The following KCNIP4 variants were observed in gnomAD, a reference collection of about 807,000 sequenced individuals.
KCNIP4 encodes the protein Kv channel-interacting protein 4.
KCNIP4 carries 12 observed loss-of-function variants against 34.0 expected under a neutral mutation model. That is an observed-to-expected ratio of 0.35 (90% CI 0.23 to 0.57). The LOEUF is 0.57. Ranked by LOEUF, KCNIP4 falls within the 20% of genes least tolerant of loss-of-function variation. The pLI is 0.83. For missense variants in KCNIP4, 238 were observed against 311.7 expected, an observed-to-expected ratio of 0.76 and a Z score of 1.78; for synonymous variants, 124 against 102.2, an observed-to-expected ratio of 1.21 and a Z score of -1.29.
intron 3 of KCNIP4, among the ~76,000 whole-genome samples, chr4:20,828,879 C>T (rs1397713896): frequency 6.6e-6 from 1 of 152,096 alleles, no homozygotes; most frequent in Non-Finnish European, 1.5e-5. Flanking sequence ...AGAGATAGGA[C>T]AAACACATTT....
chr4:20,875,258 A>G (rs1399889050), intron 2 of KCNIP4, among the ~76,000 whole-genome samples: 1 of 152,198 alleles, frequency 6.6e-6, no homozygotes, highest in Non-Finnish European at 1.5e-5. Flanking sequence ...GAATTGGTAA[A>G]GTACAGAGAC....
chr4:21,358,895 C>T (rs1336574658), intron 1 of KCNIP4, among the ~76,000 whole-genome samples: 1 of 152,052 alleles, frequency 6.6e-6, no homozygotes, highest in South Asian at 2.1e-4. Flanking sequence ...ACCTTTGCTT[C>T]GAGTTATCCT....
chr4:20,835,641 T>C (rs1003828871), intron 3 of KCNIP4, among the ~76,000 whole-genome samples: 1 of 152,116 alleles, frequency 6.6e-6, no homozygotes, highest in African/African-American at 2.4e-5. Flanking sequence ...CCCTTAAATA[T>C]GTATTTTCAG....
At chr4:20,891,072 T>G (rs1725867723) in intron 1 of KCNIP4, among the ~76,000 whole-genome samples, 1 of 152,218 alleles carries the variant, frequency 6.6e-6, no homozygotes, top group African/African-American at 2.4e-5. Flanking sequence ...TAATGAGAAC[T>G]ATTCTTATCT....
intron 1 of KCNIP4, among the ~76,000 whole-genome samples, chr4:21,332,689 T>A (rs1176362129): frequency 6.6e-6 from 1 of 151,922 alleles, no homozygotes; most frequent in Non-Finnish European, 1.5e-5. Context: ...CTCCATTTCC[T>A]GTAATGTATT....
At chr4:20,926,318 G>A (rs908898981) in intron 1 of KCNIP4, among the ~76,000 whole-genome samples, 6 of 152,222 alleles carry the variant, frequency 3.9e-5, no homozygotes, top group African/African-American at 1.2e-4. Context: ...TGACAGGTGA[G>A]AGGTGCAGGA....
rs537856921 is a variant in KCNIP4 at position 21,697,316 on chromosome 4, T to TAAAAA, written c.61+251250_61+251254dup. 173 of 1,226,984 alleles carry TAAAAA rather than the reference T, an allele frequency of 1.4e-4. No homozygotes were observed. The African/African-American group carries it at 2.5e-3, about 18-fold the overall frequency. The allele number at this position is 1,226,984 out of a possible 1,614,324, so 76.0% of individuals were successfully genotyped here. A position where few individuals can be genotyped will look rare whatever the true frequency, so the allele number is the denominator to read the frequency against. On this transcript the variant is annotated intron_variant, in intron 1 of 8. Coordinates refer to ENST00000382152, the MANE Select transcript of KCNIP4 (RefSeq NM_025221.6). Reference sequence around the variant, plus strand: ...ATTACCATGCTCTACTAGCCTCTACTAAAAAAAAAAAAAAAAAAAAAAAAA... The same window carrying TAAAAA: ...ATTACCATGCTCTACTAGCCTCTACTAAAAAAAAAAAAAAAAAAAAAAAAAAAAAA...
intron 1 of KCNIP4, among the ~76,000 whole-genome samples, chr4:20,899,627 T>C (rs941570223): frequency 2.0e-5 from 3 of 152,218 alleles, no homozygotes; most frequent in Admixed American, 1.3e-4. Flanking sequence ...AATCAAGTCT[T>C]ACACTATTTG....
rs1000299913 is a variant in KCNIP4 at position 21,839,890 on chromosome 4, T to G, written c.61+108681A>C. On this transcript the variant is annotated intron_variant, in intron 1 of 8. Transcript: ENST00000382152. ...GACAAAATGCTGGTGTGTGGGTTATTATGCAAGTAAGATGCCTTGGATCTC... is the reference window on the plus strand; with the variant it reads ...GACAAAATGCTGGTGTGTGGGTTATGATGCAAGTAAGATGCCTTGGATCTC... Among the ~76,000 whole-genome samples the G allele has an allele frequency of 2.0e-5, 3 of 152,262 alleles. No homozygotes were observed. The South Asian group carries it at 6.2e-4, about 32-fold the overall frequency.
chr4:21,618,228 TA>T (rs1744734720), intron 1 of KCNIP4, among the ~76,000 whole-genome samples: 1 of 152,168 alleles, frequency 6.6e-6, no homozygotes, highest in Non-Finnish European at 1.5e-5. Context: ...AAATTCAGTA[TA>T]ATGCTAGCAA....
At chr4:20,996,738 G>A (rs7689543) in intron 1 of KCNIP4, among the ~76,000 whole-genome samples, 67,897 of 151,692 alleles carry the variant, frequency 0.45, 15,771 homozygotes, top group African/African-American at 0.56. Context: ...AATTTTCTCC[G>A]TAGCACTCAC....
chr4:20,939,768 C>T (rs1023249313), intron 1 of KCNIP4, among the ~76,000 whole-genome samples: 1 of 152,168 alleles, frequency 6.6e-6, no homozygotes, highest in Non-Finnish European at 1.5e-5. Flanking sequence ...ACACTGGAAG[C>T]ATCTTGGACC....
At chr4:21,805,606 T>C (rs914024911) in intron 1 of KCNIP4, among the ~76,000 whole-genome samples, 2 of 152,166 alleles carry the variant, frequency 1.3e-5, no homozygotes, top group Admixed American at 1.3e-4. Flanking sequence ...TATGTCCACC[T>C]AACAGGAACC....
intron 1 of KCNIP4, among the ~76,000 whole-genome samples, chr4:21,910,164 C>T (rs1728225002): frequency 6.6e-6 from 1 of 152,134 alleles, no homozygotes; most frequent in East Asian, 1.9e-4. Flanking sequence ...GGCTCAAACA[C>T]TGACACATCT....
chr4:20,997,318 AC>A (rs1737648632), intron 1 of KCNIP4, among the ~76,000 whole-genome samples: 1 of 152,210 alleles, frequency 6.6e-6, no homozygotes, highest in Non-Finnish European at 1.5e-5. Flanking sequence ...AAGGGACTGG[AC>A]ACAGAAACCA....
chr4:21,633,148 C>A (rs1328193786), intron 1 of KCNIP4, among the ~76,000 whole-genome samples: 2 of 152,160 alleles, frequency 1.3e-5, no homozygotes, highest in African/African-American at 4.8e-5. Context: ...AAGTTTATTG[C>A]ACCCATTTAC....
intron 1 of KCNIP4, among the ~76,000 whole-genome samples, chr4:21,539,503 G>T (rs1026760876): frequency 6.6e-6 from 1 of 152,058 alleles, no homozygotes; most frequent in African/African-American, 2.4e-5. Flanking sequence ...GGTTTATTTG[G>T]TATTATAAAT....
At chr4:21,342,001 T>G (rs1226881274) in intron 1 of KCNIP4, among the ~76,000 whole-genome samples, 2 of 152,144 alleles carry the variant, frequency 1.3e-5, no homozygotes, top group Admixed American at 6.6e-5. Context: ...TTGTGTCCCC[T>G]CTTATAAGGA....
intron 1 of KCNIP4, among the ~76,000 whole-genome samples, chr4:21,281,981 T>C (rs925051982): frequency 6.6e-6 from 1 of 152,208 alleles, no homozygotes. Context: ...TCTAGATGGC[T>C]GCATACTGTT....
Sources: gnomAD v4.1 joint callset for allele counts (sites outside exome capture counted in the v4.1 genomes callset) on GRCh38, gnomAD v4.1.1 for gene constraint, MANE v1.5 for transcripts, NCBI Gene and HGNC (gene_info 2026-07-23, HGNC 2026-07-21) for gene names.